The following CYP4A22 variants were observed in gnomAD, a reference collection of about 807,000 sequenced individuals.
CYP4A22 encodes the protein cytochrome P450 family 4 subfamily A member 22.
A neutral mutation model predicts 56.2 loss-of-function variants in CYP4A22; 46 were observed. The observed-to-expected ratio is 0.82, with a 90% CI of 0.65 to 1.05. CYP4A22 has a LOEUF of 1.05. Among genes scored for constraint, CYP4A22 ranks in the 50% least tolerant of loss-of-function variants. CYP4A22 has a pLI of 0.00. For missense variants in CYP4A22, 541 were observed against 645.9 expected (o/e 0.84, Z 1.76); for synonymous variants, 193 against 251.1 (o/e 0.77, Z 2.19).
chr1:47,138,707 T>A (rs1161657372), intron 1 of CYP4A22, among the ~76,000 whole-genome samples: 1 of 152,202 alleles, frequency 6.6e-6, no homozygotes, highest in African/African-American at 2.4e-5. Context: ...TTTCTTCCAA[T>A]GTGGCCTAGG....
intron 3 of CYP4A22, 103 bp downstream of exon 3, chr1:47,141,718 T>A: frequency 7.0e-7 from 1 of 1,431,142 alleles, no homozygotes; most frequent in Non-Finnish European, 9.5e-7. Flanking sequence ...TATCATGACC[T>A]CATCCCCAAA....
In CYP4A22 at chr1:47,143,365, A is replaced by T; in HGVS notation, c.607A>T (p.Ser203Cys). 1.9e-6 allele frequency: 3 copies of T among 1,613,870 alleles called. No individual in the cohort carries two copies. Among genetic ancestry groups the T allele is most frequent in the Non-Finnish European group, 2.5e-6 (3 of 1,179,826 alleles). Residue 203 changes from serine (S) to cysteine (C), a missense_variant, in exon 5 of 12, where the codon AGC (serine) becomes TGC (cysteine). Physicochemically the swap from Ser to Cys is moderately radical, Grantham distance 112. Coordinates refer to ENST00000371891, the MANE Select transcript of CYP4A22 (RefSeq NM_001010969.4). The stretch of plus-strand genomic sequence containing the variant: ...GGACACCATCATGAAGAGTGCCTTC[A>T]GCCATCAGGGCAGCATCCAGGTGGA... The part of the protein sequence containing the change: ...TLDTIMKSAF[S>C]HQGSIQVDRN...
At chr1:47,143,501 A>G (rs1645037253) in intron 5 of CYP4A22, 108 bp downstream of exon 5, 2 of 1,503,880 alleles carry the variant, frequency 1.3e-6, no homozygotes, top group East Asian at 4.6e-5. Context: ...ACAAAGGAAG[A>G]GTCAGTCCCT....
chr1:47,144,723 T>G lies in CYP4A22; in HGVS notation c.1071T>G (p.Asp357Glu). 1 of 1,613,980 alleles carries G rather than the reference T, an allele frequency of 6.2e-7. No individual in the cohort carries two copies. Among genetic ancestry groups the G allele is most frequent in the Non-Finnish European group, 8.5e-7 (1 of 1,179,904 alleles). Residue 357 changes from aspartate to glutamate, a missense_variant, in exon 8 of 12, where the codon GAT becomes GAG. Asp to Glu is a conservative substitution (Grantham distance 45, BLOSUM62 2). This residue lies in a region of CYP4A22 where 204 missense variants were observed against 258.9 expected (regional missense o/e 0.79). Transcript: ENST00000371891. ...CREEIHGLLG[D>E]GASITWNHLD... The stretch of plus-strand genomic sequence containing the variant: ...AGGAGATCCATGGCCTCCTGGGTGA[T>G]GGAGCCTCCATCACCTGGTGAGTGA...
chr1:47,143,106 C>T (rs747009693), intron 4 of CYP4A22, among the ~76,000 whole-genome samples, 163 bp from the exon 5 acceptor site: 51 of 152,152 alleles, frequency 3.4e-4, no homozygotes, highest in Admixed American at 5.2e-4. Context: ...CTTTACAGTC[C>T]CAGTTTCTAC....
At position 47,143,798 on chromosome 1, in the gene CYP4A22, G is replaced by A; in HGVS notation, c.672G>A (p.Leu224=). The change falls in exon 6 of 12, where the codon CTG becomes CTA. Residue 224 remains leucine (L), a synonymous_variant. Transcript: ENST00000371891. ...CCTACATCCAGGCCATTAGTGACCT[G>A]AACAGCCTGGTTTTTTGCTGTATGA... is the stretch of plus-strand genomic sequence containing the variant. ...SQSYIQAISD[L]NSLVFCCMRN... 1 of 1,613,872 alleles carries A rather than the reference G, an allele frequency of 6.2e-7. No homozygotes were observed. Among genetic ancestry groups the A allele is most frequent in the Non-Finnish European group, 8.5e-7 (1 of 1,179,836 alleles).
rs1645105229 is a variant in CYP4A22 at position 47,149,110 on chromosome 1, C to T, written c.*313C>T. 1 of 254,108 alleles carries T rather than the reference C, an allele frequency of 3.9e-6. No individual in the cohort carries two copies. The highest frequency in any genetic ancestry group is 7.5e-6 in the Non-Finnish European group (1 of 133,842). 15.7% of individuals were successfully genotyped at this position (254,108 alleles called of 1,614,324 possible). A position where few individuals can be genotyped will look rare whatever the true frequency, so the allele number is the denominator to read the frequency against. On this transcript the variant is annotated 3_prime_UTR_variant, in exon 12 of 12. Transcript: ENST00000371891. ...TCCAGGGTCTAAAACCCCTTGTGGC[C>T]TTTGGAACACCAAGCTCTGTGCTGA... is the stretch of plus-strand genomic sequence containing the variant.
intron 4 of CYP4A22, 71 bp from the exon 5 acceptor site, chr1:47,143,198 T>C (rs1645032533): frequency 6.5e-7 from 1 of 1,549,396 alleles, no homozygotes. Flanking sequence ...TGCAGGTACA[T>C]GAAAAAGCCA....
chr1:47,148,024 GC>G (rs1645094252), intron 11 of CYP4A22, among the ~76,000 whole-genome samples: 1 of 152,148 alleles, frequency 6.6e-6, no homozygotes, highest in South Asian at 2.1e-4. Flanking sequence ...TTAGACAGGA[GC>G]CCGGACCCTG....
At chr1:47,142,633 C>T (rs918933155) in intron 4 of CYP4A22, among the ~76,000 whole-genome samples, 1 of 152,330 alleles carries the variant, frequency 6.6e-6, no homozygotes, top group East Asian at 1.9e-4. Flanking sequence ...AGGCTCTGGC[C>T]TGGGGCCCCA....
In CYP4A22 at chr1:47,146,066, T is replaced by C. The variant is rs1645072519; in HGVS notation, c.1288-11T>C. The C allele has an allele frequency of 6.2e-7, 1 of 1,614,064 alleles. No individual in the cohort carries two copies. Among genetic ancestry groups the C allele is most frequent in the Non-Finnish European group, 8.5e-7 (1 of 1,180,032 alleles). Reference sequence around the variant, plus strand: ...TCCTTAACTATCCTGGCTCTGGTGCTCTCTCTGCAGGTGTTTGACCCTTCC... The same window carrying C: ...TCCTTAACTATCCTGGCTCTGGTGCCCTCTCTGCAGGTGTTTGACCCTTCC... On this transcript the variant is annotated splice_polypyrimidine_tract_variant and intron_variant, in intron 10 of 11. Transcript: ENST00000371891.
Position 47,141,592 on chromosome 1 carries a change from A to T in CYP4A22, c.359A>T (p.Tyr120Phe). The T allele has an allele frequency of 6.2e-7, 1 of 1,613,820 alleles. No homozygotes were observed. The highest frequency in any genetic ancestry group is 8.5e-7 in the Non-Finnish European group (1 of 1,179,800). Residue 120 changes from tyrosine to phenylalanine, a missense_variant, in exon 3 of 12, where the codon TAC (tyrosine) becomes TTC (phenylalanine). This residue lies in a region of CYP4A22 where 335 missense variants were observed against 361.2 expected (regional missense o/e 0.93). Transcript: ENST00000371891. ...TCAGACCCGAAATCCCATGGATCCT[A>T]CAAATTCCTGGCTCCACGGATTGGT... ...GRSDPKSHGS[Y>F]KFLAPRIGYG... is the part of the protein sequence containing the mutation.
Position 47,148,599 on chromosome 1 carries a change from C to T in CYP4A22, c.1365-3C>T. The T allele has an allele frequency of 6.2e-7, 1 of 1,607,288 alleles. No homozygotes were observed. The highest frequency in any genetic ancestry group is 1.1e-5 in the South Asian group (1 of 89,884). The stretch of plus-strand genomic sequence containing the variant: ...CTCAATTCATTGTCTCCGCCTGGCC[C>T]AGGAACTGCATCGGGAAACAATTTG... On this transcript the variant is annotated splice_region_variant and splice_polypyrimidine_tract_variant and intron_variant, in intron 11 of 11. Coordinates refer to ENST00000371891, the MANE Select transcript of CYP4A22 (RefSeq NM_001010969.4).
intron 1 of CYP4A22, among the ~76,000 whole-genome samples, chr1:47,138,505 C>T (rs1266426813): frequency 6.6e-6 from 1 of 152,208 alleles, no homozygotes; most frequent in Non-Finnish European, 1.5e-5. Flanking sequence ...TGATGGTCAG[C>T]TCAGGTGAAT....
At chr1:47,138,952 T>G (rs997136361) in intron 1 of CYP4A22, among the ~76,000 whole-genome samples, 53 of 152,214 alleles carry the variant, frequency 3.5e-4, no homozygotes, top group African/African-American at 1.3e-3. Flanking sequence ...TGAGGCCTAT[T>G]GTTTCTCAGC....
chr1:47,138,077 G>A (rs1644964443), intron 1 of CYP4A22, among the ~76,000 whole-genome samples: 1 of 152,124 alleles, frequency 6.6e-6, no homozygotes, highest in African/African-American at 2.4e-5. Flanking sequence ...TTGCCTGGGA[G>A]CACAGACACC....
Position 47,140,723 on chromosome 1 carries a change from C to G in CYP4A22, c.196-57C>G, listed in dbSNP as rs1569798433. Reference sequence around the variant, plus strand: ...TCCTGTAGTTGTCCTGCCCTTCACTCCTGCTGCAAAGACTAGAAGTAAATG... The same window carrying G: ...TCCTGTAGTTGTCCTGCCCTTCACTGCTGCTGCAAAGACTAGAAGTAAATG... On this transcript the variant is annotated intron_variant, in intron 1 of 11. Coordinates refer to ENST00000371891, the MANE Select transcript of CYP4A22 (RefSeq NM_001010969.4). 5.0e-6 allele frequency: 8 copies of G among 1,600,812 alleles called. No homozygotes were observed. In the East Asian group the frequency reaches 8.9e-5, roughly 18 times the overall value.
chr1:47,143,454 G>C, intron 5 of CYP4A22, 61 bp downstream of exon 5: 1 of 1,515,024 alleles, frequency 6.6e-7, no homozygotes, highest in East Asian at 2.3e-5. Flanking sequence ...GCACATACCT[G>C]AGGGGCAGGT....
At chr1:47,145,682 C>T (rs1645068043) in intron 9 of CYP4A22, among the ~76,000 whole-genome samples, 184 bp from the exon 10 acceptor site, 1 of 152,132 alleles carries the variant, frequency 6.6e-6, no homozygotes, top group South Asian at 2.1e-4. Context: ...GTTGTCTATT[C>T]ATCATCTGAA....
Sources: gnomAD v4.1 joint callset for allele counts (sites outside exome capture counted in the v4.1 genomes callset) on GRCh38, gnomAD v4.1.1 for gene constraint, gnomAD v4.1.1 regional missense constraint, MANE v1.5 for transcripts, NCBI Gene and HGNC (gene_info 2026-07-23, HGNC 2026-07-21) for gene names.